Variants in OPRD1 observed in about 807,000 individuals in gnomAD.
OPRD1 encodes the protein delta-type opioid receptor.
A neutral mutation model predicts 17.5 loss-of-function variants in OPRD1; 19 were observed. The observed-to-expected ratio is 1.09, with a 90% CI of 0.76 to 1.60. The LOEUF (loss-of-function observed/expected upper bound fraction) is 1.60. Among genes scored for constraint, OPRD1 ranks in the 40% most tolerant of loss-of-function variants. The pLI is 0.00. For synonymous variants in OPRD1, 256 were observed against 240.9 expected (o/e 1.06, Z -0.58); for missense variants, 483 against 547.2 (o/e 0.88, Z 1.17).
chr1:28,851,897 G>A (rs560313069), intron 1 of OPRD1, among the ~76,000 whole-genome samples: 10 of 150,772 alleles, frequency 6.6e-5, no homozygotes, highest in Non-Finnish European at 1.2e-4. Flanking sequence ...GCCGGGCGTG[G>A]TGGCTCACGC....
chr1:28,838,141 G>A (rs1191343043), intron 1 of OPRD1, among the ~76,000 whole-genome samples: 1 of 152,018 alleles, frequency 6.6e-6, no homozygotes, highest in Admixed American at 6.6e-5. Flanking sequence ...CTGCTGAGAT[G>A]GAGATGGTGG....
intron 1 of OPRD1, among the ~76,000 whole-genome samples, chr1:28,835,226 C>G (rs529145805): frequency 5.9e-5 from 9 of 152,296 alleles, no homozygotes; most frequent in African/African-American, 2.2e-4. Flanking sequence ...TCCAGCCACC[C>G]CTAAGCCAGA....
At chr1:28,845,636 A>T (rs748688568) in intron 1 of OPRD1, among the ~76,000 whole-genome samples, 1 of 152,218 alleles carries the variant, frequency 6.6e-6, no homozygotes, top group Non-Finnish European at 1.5e-5. Context: ...AATAAACACA[A>T]GAAATCATTG....
chr1:28,856,533 T>C (rs567540495), intron 1 of OPRD1, among the ~76,000 whole-genome samples: 39 of 152,302 alleles, frequency 2.6e-4, no homozygotes, highest in Admixed American at 1.6e-3. Context: ...AACCCTCCTC[T>C]GGGTATCTCA....
In OPRD1 at chr1:28,822,511, C is replaced by T. The variant is rs2088724889; in HGVS notation, c.227+9901C>T. On this transcript the variant is annotated intron_variant, in intron 1 of 2. Transcript: ENST00000234961. ...GACTGATTGATTTTAGACGGAGTCTCATTCTGTTGCACAGGTTGGAGTGCA... is the reference window on the plus strand; with the variant it reads ...GACTGATTGATTTTAGACGGAGTCTTATTCTGTTGCACAGGTTGGAGTGCA... Among the ~76,000 whole-genome samples the T allele has an allele frequency of 2.0e-5, 3 of 151,896 alleles. No individual in the cohort carries two copies. In the South Asian group the frequency reaches 6.3e-4, roughly 32 times the overall value.
At chr1:28,853,073 G>A (rs554933053) in intron 1 of OPRD1, among the ~76,000 whole-genome samples, 2 of 152,322 alleles carry the variant, frequency 1.3e-5, no homozygotes, top group Admixed American at 1.3e-4. Context: ...GGAGGATGGA[G>A]AGAGGAACAA....
At chr1:28,813,482 C>A (rs2088649058) in intron 1 of OPRD1, among the ~76,000 whole-genome samples, 1 of 152,076 alleles carries the variant, frequency 6.6e-6, no homozygotes, top group Admixed American at 6.6e-5. Context: ...TTGGTCTGGG[C>A]GGGAGTGGAT....
intron 1 of OPRD1, among the ~76,000 whole-genome samples, chr1:28,828,843 A>G (rs769807203): frequency 4.6e-5 from 7 of 152,028 alleles, no homozygotes; most frequent in Non-Finnish European, 1.0e-4. Context: ...TACAAAAATT[A>G]GCCGGGTGTG....
chr1:28,862,895 G>C lies in OPRD1; in HGVS notation c.731G>C (p.Arg244Pro), dbSNP rs2089136156. Reference sequence around the variant, plus strand: ...ATGCTGCTGCGCCTGCGCAGTGTGCGCCTGCTGTCGGGCTCCAAGGAGAAG... The same window carrying C: ...ATGCTGCTGCGCCTGCGCAGTGTGCCCCTGCTGTCGGGCTCCAAGGAGAAG... ...GLMLLRLRSV[R>P]LLSGSKEKDR... The change falls in exon 3 of 3, where the codon CGC (arginine) becomes CCC (proline). Residue 244 changes from arginine to proline, a missense_variant. Arg to Pro is a moderately radical substitution (Grantham distance 103). Coordinates refer to ENST00000234961, the MANE Select transcript of OPRD1 (RefSeq NM_000911.4). 2 of 1,612,526 alleles carry C rather than the reference G, an allele frequency of 1.2e-6. No homozygotes were observed. Among genetic ancestry groups the C allele is most frequent in the Non-Finnish European group, 1.7e-6 (2 of 1,180,014 alleles).
rs753207084 is a variant in OPRD1 at position 28,867,837 on chromosome 1, C to T, written c.*4554C>T. The T allele has an allele frequency of 1.3e-5, 2 of 152,346 alleles. No homozygotes were observed. The highest frequency in any genetic ancestry group is 2.9e-5 in the Non-Finnish European group (2 of 68,144). 9.4% of individuals were successfully genotyped at this position (152,346 alleles called of 1,614,324 possible). A position where few individuals can be genotyped will look rare whatever the true frequency, so the allele number is the denominator to read the frequency against. Reference sequence around the variant, plus strand: ...AGTACATGGTAAGTGGCAGTCACTGCTTACAAGTGGAGCCAGGGTTCAGGG... The same window carrying T: ...AGTACATGGTAAGTGGCAGTCACTGTTTACAAGTGGAGCCAGGGTTCAGGG... On this transcript the variant is annotated 3_prime_UTR_variant, in exon 3 of 3. Coordinates refer to ENST00000234961, the MANE Select transcript of OPRD1 (RefSeq NM_000911.4).
intron 1 of OPRD1, among the ~76,000 whole-genome samples, chr1:28,850,627 A>G (rs528764432): frequency 5.9e-5 from 9 of 151,718 alleles, no homozygotes; most frequent in African/African-American, 2.2e-4. Flanking sequence ...CCAACCTAAA[A>G]AATTTTAATT....
At chr1:28,853,822 G>A (rs929363594) in intron 1 of OPRD1, among the ~76,000 whole-genome samples, 3 of 150,552 alleles carry the variant, frequency 2.0e-5, no homozygotes, top group Non-Finnish European at 3.0e-5. Context: ...TCTCACTGCA[G>A]CCTCTGCCTC....
chr1:28,863,238 C>A lies in OPRD1; in HGVS notation c.1074C>A (p.Thr358=). 1.9e-6 allele frequency: 3 copies of A among 1,546,562 alleles called. No individual in the cohort carries two copies. The highest frequency in any genetic ancestry group is 2.4e-5 in the East Asian group (1 of 42,162). ...AREATARERV[T]ACTPSDGPGG... is the part of the protein sequence containing the mutation. ...AAGCCACGGCCCGCGAGCGTGTCAC[C>A]GCCTGCACCCCGTCCGATGGTCCCG... The change falls in exon 3 of 3, where the codon ACC becomes ACA. Residue 358 remains threonine, a synonymous_variant. Transcript: ENST00000234961.
At chr1:28,847,911 G>T (rs774675663) in intron 1 of OPRD1, among the ~76,000 whole-genome samples, 8 of 151,806 alleles carry the variant, frequency 5.3e-5, no homozygotes, top group Non-Finnish European at 7.4e-5. Flanking sequence ...TATGTAAACT[G>T]CAGAATAAAG....
intron 1 of OPRD1, among the ~76,000 whole-genome samples, chr1:28,826,382 G>A (rs1318281474): frequency 6.6e-6 from 1 of 151,926 alleles, no homozygotes; most frequent in African/African-American, 2.4e-5. Context: ...AAATTAGCCG[G>A]GTGTGGTGAC....
At chr1:28,835,816 C>G (rs1021330641) in intron 1 of OPRD1, among the ~76,000 whole-genome samples, 5 of 152,192 alleles carry the variant, frequency 3.3e-5, no homozygotes, top group African/African-American at 1.2e-4. Context: ...TCCAAGGAAC[C>G]TGAGACCCAA....
rs142992397 is a variant in OPRD1, at chr1:28,817,909, G to GC, written c.227+5299_227+5300insC. On this transcript the variant is annotated intron_variant, in intron 1 of 2. Coordinates refer to ENST00000234961, the MANE Select transcript of OPRD1 (RefSeq NM_000911.4). Reference sequence around the variant, plus strand: ...TAGTAGAGATGGGCGGGGCGGGGGGGGGGTTTCACCATGTTGGCCAGGCTG... The same window carrying GC: ...TAGTAGAGATGGGCGGGGCGGGGGGGCGGGTTTCACCATGTTGGCCAGGCTG... Among the ~76,000 whole-genome samples the GC allele has an allele frequency of 1.5e-4, 21 of 143,010 alleles. 1 individual carries two copies. In the East Asian group the frequency reaches 5.3e-3, roughly 36 times the overall value. The allele number at this position is 143,010 out of a possible 152,430, so 93.8% of individuals were successfully genotyped here. A position where few individuals can be genotyped will look rare whatever the true frequency, so the allele number is the denominator to read the frequency against.
At chr1:28,846,850 C>CTT (rs1553150759) in intron 1 of OPRD1, among the ~76,000 whole-genome samples, 7 of 38,250 alleles carry the variant, frequency 1.8e-4, no homozygotes, top group African/African-American at 7.8e-5. Context: ...TCTTTCTTTT[C>CTT]TTTCTTTCTT....
At chr1:28,848,460 A>C (rs762273945) in intron 1 of OPRD1, among the ~76,000 whole-genome samples, 1 of 152,142 alleles carries the variant, frequency 6.6e-6, no homozygotes, top group African/African-American at 2.4e-5. Flanking sequence ...CTTATCCTTC[A>C]TGGCATCTTG....
Sources: allele counts gnomAD v4.1 joint callset (sites outside exome capture counted in the v4.1 genomes callset), GRCh38; gene constraint gnomAD v4.1.1; transcripts MANE v1.5; gene names NCBI Gene and HGNC (gene_info 2026-07-23, HGNC 2026-07-21).